The following KCNU1 variants were observed in gnomAD, a reference collection of about 807,000 sequenced individuals.
The protein encoded by KCNU1 is potassium calcium-activated channel subfamily U member 1.
Under a neutral mutation model 126.8 loss-of-function variants are expected in KCNU1, and 93 were observed. The ratio of observed to expected loss-of-function variants is 0.73; its 90% CI spans 0.62 to 0.87. The LOEUF (loss-of-function observed/expected upper bound fraction) is 0.87. KCNU1 is among the 40% of genes least tolerant of loss of function. The pLI, the probability that KCNU1 is intolerant of heterozygous loss-of-function variation, is 0.00. For synonymous variants in KCNU1, 523 were observed against 494.2 expected (o/e 1.06, Z -0.77); for missense variants, 1,330 against 1,367.1 (o/e 0.97, Z 0.43).
chr8:36,818,699 C>T (rs764073521), intron 10 of KCNU1, among the ~76,000 whole-genome samples: 45 of 152,192 alleles, frequency 3.0e-4, no homozygotes, highest in Non-Finnish European at 5.4e-4. Flanking sequence ...TTTGATCTTA[C>T]GTAGGATTGT....
intron 10 of KCNU1, among the ~76,000 whole-genome samples, chr8:36,826,512 A>G (rs1804330250): frequency 6.6e-6 from 1 of 152,048 alleles, no homozygotes; most frequent in Non-Finnish European, 1.5e-5. Context: ...GCTAGGCCGT[A>G]TGAACTGAAT....
At chr8:36,837,814 G>A (rs1804808489) in intron 14 of KCNU1, among the ~76,000 whole-genome samples, 1 of 152,158 alleles carries the variant, frequency 6.6e-6, no homozygotes, top group Non-Finnish European at 1.5e-5. Flanking sequence ...TAAAGTGCTT[G>A]CAGAGAATGA....
In KCNU1 at chr8:36,845,363, AGTT is replaced by A. The variant is rs1805104723; in HGVS notation, c.1704-213_1704-211del. Among the ~76,000 whole-genome samples, 3 of 152,312 alleles carry A rather than the reference AGTT, an allele frequency of 2.0e-5. No homozygotes were observed. In the South Asian group the frequency reaches 6.2e-4, roughly 32 times the overall value. On this transcript the variant is annotated intron_variant, in intron 16 of 26. Coordinates refer to ENST00000399881, the MANE Select transcript of KCNU1 (RefSeq NM_001031836.3). ...CGCTGTGTGTTCAGCTCACTGATCAAGTTGTTCCCTGGCTCCCCTCTGCATAGT... is the reference window on the plus strand; with the variant it reads ...CGCTGTGTGTTCAGCTCACTGATCAAGTTCCCTGGCTCCCCTCTGCATAGT...
At chr8:36,802,713 C>T (rs1398639574) in intron 2 of KCNU1, among the ~76,000 whole-genome samples, 2 of 152,148 alleles carry the variant, frequency 1.3e-5, no homozygotes, top group Non-Finnish European at 2.9e-5. Flanking sequence ...GATTGTCTTT[C>T]CTCTTCCCCT....
intron 14 of KCNU1, among the ~76,000 whole-genome samples, chr8:36,838,573 T>C (rs1255567351): frequency 1.3e-5 from 2 of 152,098 alleles, no homozygotes; most frequent in Non-Finnish European, 2.9e-5. Flanking sequence ...GGCGTGAGCC[T>C]GTAGCCCCAG....
rs542385331 is a variant in KCNU1 at position 36,902,337 on chromosome 8, G to A, written c.2010-3371G>A. Among the ~76,000 whole-genome samples the A allele has an allele frequency of 2.6e-5, 4 of 152,222 alleles. No homozygotes were observed. In the East Asian group the frequency reaches 7.7e-4, roughly 29 times the overall value. ...TCCCTATTCTGAGTCATGTTAAAAT[G>A]TGCTTGGGAGAAGATCATCTTAAAT... is the stretch of plus-strand genomic sequence containing the variant. On this transcript the variant is annotated intron_variant, in intron 19 of 26. Coordinates refer to ENST00000399881, the MANE Select transcript of KCNU1 (RefSeq NM_001031836.3).
At position 36,805,305 on chromosome 8, in the gene KCNU1, G is replaced by A. The variant is rs550946470; in HGVS notation, c.468+20G>A. 4.2e-6 allele frequency: 6 copies of A among 1,431,812 alleles called. No individual in the cohort carries two copies. In the Admixed American group the frequency reaches 5.6e-5, roughly 13 times the overall value. 88.7% of individuals were successfully genotyped at this position (1,431,812 alleles called of 1,614,324 possible). A position where few individuals can be genotyped will look rare whatever the true frequency, so the allele number is the denominator to read the frequency against. On this transcript the variant is annotated intron_variant, in intron 4 of 26. Coordinates refer to ENST00000399881, the MANE Select transcript of KCNU1 (RefSeq NM_001031836.3). ...TTGAGGGTAAGTACCTATTGAAAGT[G>A]GGAGTGAATATCCAAACACCACAGG... is the stretch of plus-strand genomic sequence containing the variant.
intron 13 of KCNU1, among the ~76,000 whole-genome samples, chr8:36,836,567 A>G (rs574884366): frequency 6.6e-6 from 1 of 152,224 alleles, no homozygotes; most frequent in South Asian, 2.1e-4. Context: ...TGATTTTGCA[A>G]CTCTAGCTAT....
chr8:36,850,191 A>G (rs1399876700), intron 18 of KCNU1, among the ~76,000 whole-genome samples: 2 of 152,140 alleles, frequency 1.3e-5, no homozygotes, highest in Non-Finnish European at 1.5e-5. Flanking sequence ...TAAGATCTTT[A>G]TATATTCTAA....
chr8:36,862,246 T>C (rs987233152), intron 18 of KCNU1, among the ~76,000 whole-genome samples: 1 of 152,134 alleles, frequency 6.6e-6, no homozygotes, highest in Non-Finnish European at 1.5e-5. Context: ...TCAAACAGAA[T>C]GAGATCAGAG....
intron 19 of KCNU1, among the ~76,000 whole-genome samples, chr8:36,872,388 G>A (rs1262479435): frequency 6.6e-6 from 1 of 152,092 alleles, no homozygotes; most frequent in Admixed American, 6.6e-5. Flanking sequence ...TGCTATGTTA[G>A]CTTTTTGGCT....
chr8:36,801,484 TG>T (rs1162955464), intron 2 of KCNU1, among the ~76,000 whole-genome samples: 15 of 151,692 alleles, frequency 9.9e-5, no homozygotes, highest in African/African-American at 2.4e-4. Flanking sequence ...TTCCATGGGT[TG>T]GGGGGGTTGT....
chr8:36,911,842 A>G (rs1807886772), intron 22 of KCNU1, among the ~76,000 whole-genome samples: 1 of 152,184 alleles, frequency 6.6e-6, no homozygotes, highest in African/African-American at 2.4e-5. Flanking sequence ...ACATTTCTCT[A>G]TGCTCAAAAT....
At chr8:36,892,863 T>C (rs1283807823) in intron 19 of KCNU1, among the ~76,000 whole-genome samples, 1 of 152,120 alleles carries the variant, frequency 6.6e-6, no homozygotes, top group African/African-American at 2.4e-5. Flanking sequence ...TTCCCCTGGG[T>C]GTATTTACAA....
At chr8:36,928,287 A>T (rs1175132780) in intron 24 of KCNU1, among the ~76,000 whole-genome samples, 2 of 152,128 alleles carry the variant, frequency 1.3e-5, no homozygotes, top group African/African-American at 2.4e-5. Flanking sequence ...TACCAGGATA[A>T]CCCTAGAATT....
chr8:36,818,673 G>C (rs1025845997), intron 10 of KCNU1, among the ~76,000 whole-genome samples: 3 of 152,184 alleles, frequency 2.0e-5, no homozygotes, highest in African/African-American at 7.2e-5. Flanking sequence ...AAGTCAGCCA[G>C]ATTTTGAAAT....
rs1398222174 is a variant in KCNU1 at position 36,909,605 on chromosome 8, GATA to G, written c.2331+74_2331+76del. Reference sequence around the variant, plus strand: ...TATTAATAGGACTAGAATTAATAATGATAATATTGCAGTTCTACAGTCCTTGCC... The same window carrying G: ...TATTAATAGGACTAGAATTAATAATGATATTGCAGTTCTACAGTCCTTGCC... On this transcript the variant is annotated intron_variant, in intron 21 of 26. Transcript: ENST00000399881. 1.6e-5 allele frequency: 14 copies of G among 898,698 alleles called. No individual in the cohort carries two copies. In the African/African-American group the frequency reaches 2.4e-4, roughly 15 times the overall value. 55.7% of individuals were successfully genotyped at this position (898,698 alleles called of 1,614,324 possible).
intron 20 of KCNU1, among the ~76,000 whole-genome samples, chr8:36,908,384 T>G (rs1194659816): frequency 6.6e-6 from 1 of 152,118 alleles, no homozygotes; most frequent in African/African-American, 2.4e-5. Flanking sequence ...AAATTTTTTT[T>G]ATTATACTTT....
chr8:36,801,778 G>A (rs895832401), intron 2 of KCNU1, among the ~76,000 whole-genome samples: 1 of 151,970 alleles, frequency 6.6e-6, no homozygotes, highest in Non-Finnish European at 1.5e-5. Flanking sequence ...GTCAAACTTA[G>A]TACTATCTTC....
Sources: allele counts gnomAD v4.1 joint callset (sites outside exome capture counted in the v4.1 genomes callset), GRCh38; gene constraint gnomAD v4.1.1; transcripts MANE v1.5; gene names NCBI Gene and HGNC (gene_info 2026-07-23, HGNC 2026-07-21).